The following LIN52 variants were observed in gnomAD, a reference collection of about 807,000 sequenced individuals.
LIN52 encodes protein lin-52 homolog.
LIN52 carries 4 observed loss-of-function variants against 18.5 expected under a neutral mutation model. The observed-to-expected ratio is 0.22, with a 90% confidence interval of 0.11 to 0.49. The LOEUF is 0.49. LIN52 is among the 20% of genes least tolerant of loss of function. The probability of loss-of-function intolerance (pLI) is 0.97; values close to 1 mark genes in which losing one functional copy is unlikely to be tolerated. For synonymous variants in LIN52, 34 were observed against 45.5 expected, an observed-to-expected ratio of 0.75 and a Z score of 1.02; for missense variants, 102 against 139.5, an observed-to-expected ratio of 0.73 and a Z score of 1.35.
At chr14:74,184,236 A>G (rs992745904) in intron 5 of LIN52, among the ~76,000 whole-genome samples, 1 of 152,156 alleles carries the variant, frequency 6.6e-6, no homozygotes, top group African/African-American at 2.4e-5. Context: ...ACATGCCACC[A>G]CGCCTGGCTA....
intron 5 of LIN52, among the ~76,000 whole-genome samples, chr14:74,193,771 A>ATGTGGCCTACTTCAGC (rs1218517174): frequency 5.0e-4 from 76 of 152,224 alleles, no homozygotes; most frequent in South Asian, 6.2e-4. Context: ...GGGTCAATGT[A>ATGTGGCCTACTTCAGC]AGAGCTGAAG....
intron 5 of LIN52, among the ~76,000 whole-genome samples, chr14:74,164,226 C>T (rs1222863461): frequency 6.6e-6 from 1 of 151,820 alleles, no homozygotes. Context: ...CGTGATCCGC[C>T]TGCCTCGGCC....
intron 5 of LIN52, among the ~76,000 whole-genome samples, chr14:74,135,787 C>G (rs998491918): frequency 6.6e-6 from 1 of 151,736 alleles, no homozygotes; most frequent in African/African-American, 2.4e-5. Flanking sequence ...GCCCCTTTGT[C>G]AGTCATTTCT....
rs928924522 is a variant in LIN52, at chr14:74,201,213, A to G, written c.*2236A>G. 5.9e-5 allele frequency: 9 copies of G among 152,220 alleles called. No individual in the cohort carries two copies. The highest frequency in any genetic ancestry group is 1.2e-4 in the African/African-American group (5 of 41,450). 9.4% of individuals were successfully genotyped at this position (152,220 alleles called of 1,614,324 possible). A position where few individuals can be genotyped will look rare whatever the true frequency, so the allele number is the denominator to read the frequency against. The stretch of plus-strand genomic sequence containing the variant: ...TGTATGTGATGGTTTTTGTGTCTTC[A>G]TAATAAATATGTCCCTTTTACAGGA... On this transcript the variant is annotated 3_prime_UTR_variant, in exon 6 of 6. Transcript: ENST00000555028.
chr14:74,199,505 AAGAAACCAGAATCTTCTCGAAATGT>A lies in LIN52; in HGVS notation c.*530_*554del, dbSNP rs1251134656. On this transcript the variant is annotated 3_prime_UTR_variant, in exon 6 of 6. Transcript: ENST00000555028. ...ACTAAGTTCCCAGAATCCCCAGCTGAAGAAACCAGAATCTTCTCGAAATGTATATCTGTTTTTTAAAACTTCTATA... is the reference window on the plus strand; with the variant it reads ...ACTAAGTTCCCAGAATCCCCAGCTGAATATCTGTTTTTTAAAACTTCTATA... 1 of 152,364 alleles carries A rather than the reference AAGAAACCAGAATCTTCTCGAAATGT, an allele frequency of 6.6e-6. No homozygotes were observed. The highest frequency in any genetic ancestry group is 1.9e-4 in the East Asian group (1 of 5,206). The allele number at this position is 152,364 out of a possible 1,614,324, so 9.4% of individuals were successfully genotyped here.
chr14:74,134,845 T>C (rs1245004994), intron 5 of LIN52, among the ~76,000 whole-genome samples: 1 of 152,238 alleles, frequency 6.6e-6, no homozygotes, highest in Non-Finnish European at 1.5e-5. Flanking sequence ...CAATTCTTAA[T>C]ATAACTGTCT....
chr14:74,158,704 C>A (rs886257758), intron 5 of LIN52, among the ~76,000 whole-genome samples: 1 of 152,032 alleles, frequency 6.6e-6, no homozygotes, highest in Admixed American at 6.6e-5. Flanking sequence ...TCTTGAACTC[C>A]CGACCTCAGG....
Position 74,096,568 on chromosome 14 carries a change from A to G in LIN52, c.132+583A>G, listed in dbSNP as rs72725946. On this transcript the variant is annotated intron_variant, in intron 3 of 5. Transcript: ENST00000555028. ...GATTTGGAGGTAAATGACTTGATGCATGTAAAGTGTTTTGCTTGTCACATA... is the reference window on the plus strand; with the variant it reads ...GATTTGGAGGTAAATGACTTGATGCGTGTAAAGTGTTTTGCTTGTCACATA... Among the ~76,000 whole-genome samples the G allele has an allele frequency of 1.7e-3, 266 of 152,070 alleles. 1 individual carries two copies. The highest frequency in any genetic ancestry group is 2.6e-3 in the Non-Finnish European group (177 of 67,996).
At chr14:74,145,157 C>T (rs1265805434) in intron 5 of LIN52, among the ~76,000 whole-genome samples, 2 of 152,178 alleles carry the variant, frequency 1.3e-5, no homozygotes, top group Non-Finnish European at 2.9e-5. Context: ...TGATCATAAG[C>T]AGTTATGGTG....
At chr14:74,107,226 T>TGAAAG (rs2060902342) in intron 5 of LIN52, among the ~76,000 whole-genome samples, 1 of 152,216 alleles carries the variant, frequency 6.6e-6, no homozygotes, top group African/African-American at 2.4e-5. Context: ...GTGAAACTTG[T>TGAAAG]TGATGATCGC....
chr14:74,147,245 C>T (rs888590831), intron 5 of LIN52, among the ~76,000 whole-genome samples: 22 of 151,818 alleles, frequency 1.4e-4, no homozygotes, highest in African/African-American at 4.4e-4. Context: ...GCAGTAAGAG[C>T]GAAACTTCAT....
chr14:74,164,380 G>T (rs1321740726), intron 5 of LIN52, among the ~76,000 whole-genome samples: 1 of 151,812 alleles, frequency 6.6e-6, no homozygotes, highest in Non-Finnish European at 1.5e-5. Flanking sequence ...TGTCTCCTGG[G>T]TTCAAGGGAT....
intron 5 of LIN52, among the ~76,000 whole-genome samples, chr14:74,188,431 A>G (rs1359384409): frequency 6.6e-6 from 1 of 151,930 alleles, no homozygotes; most frequent in Non-Finnish European, 1.5e-5. Flanking sequence ...TTTCATGAGG[A>G]AGATTTGTAT....
chr14:74,190,389 C>CTTTTTTTTTTTTTTT (rs68037994), intron 5 of LIN52, among the ~76,000 whole-genome samples: 1 of 106,304 alleles, frequency 9.4e-6, no homozygotes, highest in Non-Finnish European at 1.8e-5. Context: ...GCCTAAATAA[C>CTTTTTTTTTTTTTTT]TTTTTTTTTT....
intron 5 of LIN52, among the ~76,000 whole-genome samples, chr14:74,105,360 G>T (rs936930674): frequency 3.9e-5 from 6 of 152,258 alleles, no homozygotes; most frequent in Non-Finnish European, 8.8e-5. Context: ...AGCTGAGATT[G>T]TTCAGAATTA....
At chr14:74,105,278 G>T (rs986889670) in intron 5 of LIN52, among the ~76,000 whole-genome samples, 1 of 151,902 alleles carries the variant, frequency 6.6e-6, no homozygotes, top group South Asian at 2.1e-4. Context: ...CATTTAATTC[G>T]GCCACCTTCA....
At chr14:74,112,392 C>T (rs1268871794) in intron 5 of LIN52, among the ~76,000 whole-genome samples, 3 of 152,028 alleles carry the variant, frequency 2.0e-5, no homozygotes. Context: ...ACTGCAACCT[C>T]TGCCTCCGGT....
rs547029337 is a variant in LIN52 at position 74,201,466 on chromosome 14, A to G, written c.*2489A>G. Among the ~76,000 whole-genome samples, 2 of 152,252 alleles carry G rather than the reference A, an allele frequency of 1.3e-5. No individual in the cohort carries two copies. Among genetic ancestry groups the G allele is most frequent in the South Asian group, 4.1e-4 (2 of 4,826 alleles). On this transcript the variant is annotated 3_prime_UTR_variant, in exon 6 of 6. Coordinates refer to ENST00000555028, the MANE Select transcript of LIN52 (RefSeq NM_001024674.3). ...CCCTTAATACCTTCCCGTGTCTACTAATAAAGTCTCAATCTCTTGACCCGG... is the reference window on the plus strand; with the variant it reads ...CCCTTAATACCTTCCCGTGTCTACTGATAAAGTCTCAATCTCTTGACCCGG...
Position 74,165,752 on chromosome 14 carries a change from G to A in LIN52, c.284-33170G>A, listed in dbSNP as rs535629937. ...TCGAACTCCTGGCCTCAAGTGATCC[G>A]CCCACCTCCGCCTCCCAAAGTGTTG... On this transcript the variant is annotated intron_variant, in intron 5 of 5. Coordinates refer to ENST00000555028, the MANE Select transcript of LIN52 (RefSeq NM_001024674.3). Among the ~76,000 whole-genome samples, 23 of 151,934 alleles carry A rather than the reference G, an allele frequency of 1.5e-4. 1 individual carries two copies. Among genetic ancestry groups the A allele is most frequent in the African/African-American group, 3.9e-4 (16 of 41,448 alleles).
Sources: allele counts gnomAD v4.1 joint callset (sites outside exome capture counted in the v4.1 genomes callset), GRCh38; gene constraint gnomAD v4.1.1; transcripts MANE v1.5; gene names NCBI Gene and HGNC (gene_info 2026-07-23, HGNC 2026-07-21).